Variants in PCDHA5 observed in about 807,000 individuals in gnomAD.
PCDHA5 encodes protocadherin alpha-5.
In PCDHA5, 43 loss-of-function variants were observed where a neutral mutation model predicts 61.6. The observed-to-expected ratio is 0.70, with a 90% CI of 0.55 to 0.90. PCDHA5 has a LOEUF of 0.90. Among genes scored for constraint, PCDHA5 ranks in the 40% least tolerant of loss-of-function variants. The probability of loss-of-function intolerance (pLI) is 0.00; values close to 1 mark genes in which losing one functional copy is unlikely to be tolerated. For synonymous variants in PCDHA5, 627 were observed against 543.9 expected, an observed-to-expected ratio of 1.15 and a Z score of -2.13; for missense variants, 1,298 against 1,222.7, an observed-to-expected ratio of 1.06 and a Z score of -0.92.
chr5:140,860,034 A>G (rs1356064800), intron 1 of PCDHA5: 3 of 150,432 alleles, frequency 2.0e-5, no homozygotes, highest in Non-Finnish European at 3.0e-5. Context: ...CACACCTGTA[A>G]TCCCAGCATT....
At chr5:140,996,968 C>G (rs1290343779) in intron 3 of PCDHA5, among the ~76,000 whole-genome samples, 1 of 152,132 alleles carries the variant, frequency 6.6e-6, no homozygotes, top group Non-Finnish European at 1.5e-5. Context: ...CAATCCCACT[C>G]CCCTTTGGTG....
chr5:140,850,756 G>A (rs2150497273), intron 1 of PCDHA5: 1 of 1,598,098 alleles, frequency 6.3e-7, no homozygotes, highest in Non-Finnish European at 8.6e-7. Context: ...TCGCAGCAGA[G>A]GAGGCAGAGG....
chr5:141,009,174 G>A (rs1281128951), intron 3 of PCDHA5, among the ~76,000 whole-genome samples: 1 of 152,228 alleles, frequency 6.6e-6, no homozygotes, highest in African/African-American at 2.4e-5. Flanking sequence ...ACTGGCCTTG[G>A]CTGGGTGTGG....
At chr5:140,927,381 A>G in intron 1 of PCDHA5, 2 of 1,614,102 alleles carry the variant, frequency 1.2e-6, no homozygotes, top group Non-Finnish European at 1.7e-6. Flanking sequence ...GCTACAGCCT[A>G]AGCCCCAGTC....
At chr5:140,967,029 G>C (rs1554229079) in intron 1 of PCDHA5, 4 of 1,608,938 alleles carry the variant, frequency 2.5e-6, no homozygotes, top group East Asian at 2.2e-5. Flanking sequence ...CCCAGTCCGC[G>C]CTACCTGGAG....
At chr5:140,979,051 G>C in intron 2 of PCDHA5, 44 bp downstream of exon 2, 1 of 1,609,534 alleles carries the variant, frequency 6.2e-7, no homozygotes, top group East Asian at 2.2e-5. Flanking sequence ...ACCTTAACTT[G>C]GTATGGCTCA....
rs2150304405 is a variant in PCDHA5, at chr5:140,840,185, G to A, written c.2352+16058G>A. On this transcript the variant is annotated intron_variant, in intron 1 of 3. Transcript: ENST00000529859. The stretch of plus-strand genomic sequence containing the variant: ...GGGATGTATACAAATTTTAAATATG[G>A]TAGGCAAAGGAAAAGAAGTCATAAA... 1.2e-3 allele frequency among the ~76,000 whole-genome samples: 185 copies of A among 152,064 alleles called. 3 individuals carry two copies. The highest frequency in any genetic ancestry group is 4.4e-3 in the African/African-American group (182 of 41,478).
At chr5:140,853,121 C>T in intron 1 of PCDHA5, 1 of 518,370 alleles carries the variant, frequency 1.9e-6, no homozygotes, top group Middle Eastern at 9.7e-4. Flanking sequence ...CCTCATGATC[C>T]TCCCGCCTCA....
At chr5:140,977,513 A>G (rs1378316611) in intron 1 of PCDHA5, among the ~76,000 whole-genome samples, 2 of 152,236 alleles carry the variant, frequency 1.3e-5, no homozygotes, top group African/African-American at 4.8e-5. Context: ...GCATTTTGTG[A>G]ACTTGAAAAC....
At chr5:140,883,483 C>T (rs1554178423) in intron 1 of PCDHA5, 2 of 1,614,078 alleles carry the variant, frequency 1.2e-6, no homozygotes, top group African/African-American at 2.7e-5. Flanking sequence ...AGAACTACTA[C>T]TCATTAGTGC....
intron 1 of PCDHA5, among the ~76,000 whole-genome samples, chr5:140,881,608 C>T (rs1254695632): frequency 6.6e-6 from 1 of 152,154 alleles, no homozygotes; most frequent in Non-Finnish European, 1.5e-5. Flanking sequence ...ATATGATGTG[C>T]TTATTCAAAA....
At chr5:140,917,330 A>G (rs155802) in intron 1 of PCDHA5, among the ~76,000 whole-genome samples, 15,235 of 96,446 alleles carry the variant, frequency 0.16, 1,247 homozygotes, top group East Asian at 0.38. Context: ...GTGGCGGGGG[A>G]GGGGGGGGAT....
At chr5:140,968,152 C>A (rs782362724) in intron 1 of PCDHA5, 6 of 1,614,054 alleles carry the variant, frequency 3.7e-6, no homozygotes, top group Non-Finnish European at 1.7e-6. Flanking sequence ...TCTCTGACAT[C>A]AATGACAATC....
intron 1 of PCDHA5, among the ~76,000 whole-genome samples, chr5:140,839,564 A>G (rs1022295415): frequency 3.3e-5 from 5 of 151,854 alleles, no homozygotes; most frequent in African/African-American, 9.7e-5. Flanking sequence ...TAATTTTTGT[A>G]TTTTTTGTAG....
Position 140,868,861 on chromosome 5 carries a change from T to G in PCDHA5, c.2352+44734T>G, listed in dbSNP as rs539900578. The G allele has an allele frequency of 3.6e-3, 1,881 of 525,394 alleles. 11 individuals carry two copies. Among genetic ancestry groups the G allele is most frequent in the Non-Finnish European group, 4.6e-3 (1,438 of 315,638 alleles). 32.5% of individuals were successfully genotyped at this position (525,394 alleles called of 1,614,324 possible). On this transcript the variant is annotated intron_variant, in intron 1 of 3. Coordinates refer to ENST00000529859, the MANE Select transcript of PCDHA5 (RefSeq NM_018908.3). ...ACACGTGAAATTCTGTGGTGGTAAA[T>G]GCAGTGCACAGTACTCACAGTTTTA...
chr5:140,996,283 C>T (rs2097719869), intron 3 of PCDHA5, among the ~76,000 whole-genome samples: 1 of 152,172 alleles, frequency 6.6e-6, no homozygotes, highest in African/African-American at 2.4e-5. Context: ...TGCCAAATTT[C>T]AAGAAGCACA....
chr5:140,869,813 A>G, intron 1 of PCDHA5: 2 of 1,612,416 alleles, frequency 1.2e-6, no homozygotes, highest in Non-Finnish European at 1.7e-6. Context: ...GATGTCAACG[A>G]CAATGATCCA....
chr5:140,835,602 T>C, intron 1 of PCDHA5: 2 of 1,613,930 alleles, frequency 1.2e-6, no homozygotes, highest in South Asian at 1.1e-5. Flanking sequence ...TTACTATTCA[T>C]TGGTGCTGGA....
chr5:140,835,605 G>T, intron 1 of PCDHA5: 1 of 1,613,894 alleles, frequency 6.2e-7, no homozygotes. Context: ...CTATTCATTG[G>T]TGCTGGACAG....
Sources: gnomAD v4.1 joint callset for allele counts (sites outside exome capture counted in the v4.1 genomes callset) on GRCh38, gnomAD v4.1.1 for gene constraint, MANE v1.5 for transcripts, NCBI Gene and HGNC (gene_info 2026-07-23, HGNC 2026-07-21) for gene names.